Variants in RGS5 observed in about 807,000 individuals in gnomAD.
RGS5 encodes regulator of G-protein signalling 5.
A neutral mutation model predicts 18.9 loss-of-function variants in RGS5; 20 were observed. The ratio of observed to expected loss-of-function variants is 1.06; its 90% CI spans 0.74 to 1.54. The LOEUF is 1.54. RGS5 is among the 40% of genes most tolerant of loss of function. RGS5 has a pLI of 0.00. For missense variants in RGS5, 201 were observed against 211.8 expected, an observed-to-expected ratio of 0.95 and a Z score of 0.32; for synonymous variants, 57 against 76.2, an observed-to-expected ratio of 0.75 and a Z score of 1.31.
chr1:163,184,111 T>C, intron 1 of RGS5, among the ~76,000 whole-genome samples: 1 of 152,174 alleles, frequency 6.6e-6, no homozygotes. Flanking sequence ...TAGGAGTCTC[T>C]AAGTCAGAGA....
At chr1:163,192,567 G>C (rs12140584) in intron 1 of RGS5, among the ~76,000 whole-genome samples, 32,927 of 152,066 alleles carry the variant, frequency 0.22, 4,139 homozygotes, top group African/African-American at 0.35. Context: ...CCAGGCCCAG[G>C]TACACTTTCA....
intron 1 of RGS5, among the ~76,000 whole-genome samples, chr1:163,169,601 C>A (rs1023705802): frequency 6.6e-6 from 1 of 152,122 alleles, no homozygotes; most frequent in Admixed American, 6.5e-5. Flanking sequence ...ATTTGCATTT[C>A]TCTGATGGCC....
intron 4 of RGS5, among the ~76,000 whole-genome samples, chr1:163,151,496 T>C (rs1657373227): frequency 6.6e-6 from 1 of 152,176 alleles, no homozygotes; most frequent in Admixed American, 6.5e-5. Context: ...CACCCAAATC[T>C]CACCTTAAAT....
intron 2 of RGS5, among the ~76,000 whole-genome samples, chr1:163,241,243 G>T (rs2815273): frequency 0.76 from 116,215 of 152,194 alleles, 45,656 homozygotes; most frequent in African/African-American, 0.94. Context: ...ATGGCAGATT[G>T]TTGTTGTTGT....
intron 2 of RGS5, among the ~76,000 whole-genome samples, chr1:163,228,563 G>A (rs1268430117): frequency 6.6e-6 from 1 of 152,188 alleles, no homozygotes; most frequent in Non-Finnish European, 1.5e-5. Flanking sequence ...GAAAGTCTCT[G>A]ACACACCCTG....
chr1:163,288,381 T>C (rs374794038), intron 2 of RGS5, among the ~76,000 whole-genome samples: 3 of 152,190 alleles, frequency 2.0e-5, no homozygotes, highest in African/African-American at 7.2e-5. Flanking sequence ...CAGTCATCTG[T>C]TGTTCCACTG....
At chr1:163,157,458 A>T (rs1416011990) in intron 3 of RGS5, among the ~76,000 whole-genome samples, 1 of 152,172 alleles carries the variant, frequency 6.6e-6, no homozygotes, top group Non-Finnish European at 1.5e-5. Flanking sequence ...AGTGAGAAGA[A>T]CCTTGTTAGA....
intron 4 of RGS5, among the ~76,000 whole-genome samples, chr1:163,150,967 A>T (rs553229966): frequency 1.8e-4 from 27 of 152,294 alleles, no homozygotes; most frequent in Admixed American, 1.4e-3. Flanking sequence ...GCTTGCCCAG[A>T]TCACCTCCGT....
chr1:163,185,193 A>G (rs1328130529), intron 1 of RGS5, among the ~76,000 whole-genome samples: 1 of 152,050 alleles, frequency 6.6e-6, no homozygotes, highest in African/African-American at 2.4e-5. Flanking sequence ...ACAGGGTCCT[A>G]TAGTCTTTAT....
At chr1:163,184,138 C>G (rs1165705612) in intron 1 of RGS5, among the ~76,000 whole-genome samples, 1 of 152,114 alleles carries the variant, frequency 6.6e-6, no homozygotes, top group Non-Finnish European at 1.5e-5. Context: ...CTTAATGGAG[C>G]AACAAAGTCT....
rs375235679 is a variant in RGS5, at chr1:163,149,627, T to C, written c.385-2124A>G. 2.6e-5 allele frequency among the ~76,000 whole-genome samples: 4 copies of C among 152,274 alleles called. No homozygotes were observed. The East Asian group carries it at 7.7e-4, about 29-fold the overall frequency. ...AATTTCAAATATGGTCAAATGATAATTTGCAATGTATAAATTATCTACTTA... is the reference window on the plus strand; with the variant it reads ...AATTTCAAATATGGTCAAATGATAACTTGCAATGTATAAATTATCTACTTA... On this transcript the variant is annotated intron_variant, in intron 4 of 4. Transcript: ENST00000313961.
intron 2 of RGS5, among the ~76,000 whole-genome samples, chr1:163,279,618 G>T (rs1025555884): frequency 1.3e-5 from 2 of 151,884 alleles, no homozygotes; most frequent in African/African-American, 4.8e-5. Flanking sequence ...AGAAAAGCAA[G>T]AAGCAGCCAA....
intron 2 of RGS5, among the ~76,000 whole-genome samples, chr1:163,168,011 C>A (rs1201902563): frequency 2.6e-5 from 4 of 151,890 alleles, no homozygotes; most frequent in African/African-American, 9.7e-5. Flanking sequence ...ATGTCTGTCT[C>A]TCAAAAATAA....
chr1:163,163,039 C>T (rs1473385635), intron 2 of RGS5, among the ~76,000 whole-genome samples: 5 of 132,040 alleles, frequency 3.8e-5, no homozygotes, highest in East Asian at 2.2e-4. Context: ...AATGATATTT[C>T]GGGGGGGGGG....
At chr1:163,313,854 G>A (rs1050758886) in intron 1 of RGS5, among the ~76,000 whole-genome samples, 4 of 152,156 alleles carry the variant, frequency 2.6e-5, no homozygotes, top group Non-Finnish European at 4.4e-5. Flanking sequence ...CAGTGTAAGC[G>A]TTTGAGATTA....
At chr1:163,197,110 C>G (rs1183443913) in intron 1 of RGS5, among the ~76,000 whole-genome samples, 1 of 152,084 alleles carries the variant, frequency 6.6e-6, no homozygotes, top group Admixed American at 6.6e-5. Context: ...CCCAGAGAAC[C>G]ATATGCAGGA....
intron 2 of RGS5, chr1:163,244,541 G>A (rs1647878907): frequency 6.6e-6 from 1 of 152,038 alleles, no homozygotes; most frequent in South Asian, 2.1e-4. Flanking sequence ...CTTGGCAGAT[G>A]TTAAAAAACA....
intron 1 of RGS5, among the ~76,000 whole-genome samples, chr1:163,191,430 A>G (rs1178940564): frequency 1.3e-5 from 2 of 152,232 alleles, no homozygotes; most frequent in South Asian, 2.1e-4. Flanking sequence ...GTAATGTCCA[A>G]CAATGAGCAG....
chr1:163,240,630 C>T (rs1267323070), intron 2 of RGS5, among the ~76,000 whole-genome samples: 1 of 152,100 alleles, frequency 6.6e-6, no homozygotes, highest in Non-Finnish European at 1.5e-5. Context: ...GATCCTCCCA[C>T]CTTAGTCTCT....
Sources: gnomAD v4.1 joint callset for allele counts (sites outside exome capture counted in the v4.1 genomes callset) on GRCh38, gnomAD v4.1.1 for gene constraint, MANE v1.5 for transcripts, NCBI Gene and HGNC (gene_info 2026-07-23, HGNC 2026-07-21) for gene names.